Variants in MALT1 observed in about 807,000 individuals in gnomAD.
The protein encoded by MALT1 is MALT1 paracaspase.
Under a neutral mutation model 85.5 loss-of-function variants are expected in MALT1, and 36 were observed. The observed-to-expected ratio is 0.42, with a 90% CI of 0.32 to 0.56. MALT1 has a LOEUF of 0.56. Among genes scored for constraint, MALT1 ranks in the 20% least tolerant of loss-of-function variants. The pLI is 0.10. For missense variants in MALT1, 716 were observed against 981.6 expected, an observed-to-expected ratio of 0.73 and a Z score of 3.62; for synonymous variants, 359 against 361.3, an observed-to-expected ratio of 0.99 and a Z score of 0.07.
chr18:58,720,511 A>G (rs1460116556), intron 9 of MALT1, among the ~76,000 whole-genome samples: 1 of 152,232 alleles, frequency 6.6e-6, no homozygotes, highest in African/African-American at 2.4e-5. Context: ...AAAAATTATC[A>G]TTGGAGGAAA....
At chr18:58,707,697 A>G (rs2054773267) in intron 4 of MALT1, among the ~76,000 whole-genome samples, 1 of 152,216 alleles carries the variant, frequency 6.6e-6, no homozygotes, top group Admixed American at 6.5e-5. Flanking sequence ...TTAACATATT[A>G]CACATTAACA....
At chr18:58,704,678 A>G (rs1305737038) in intron 4 of MALT1, among the ~76,000 whole-genome samples, 1 of 152,170 alleles carries the variant, frequency 6.6e-6, no homozygotes, top group Non-Finnish European at 1.5e-5. Flanking sequence ...GGCTGGTCTC[A>G]AGCGATCCGC....
intron 3 of MALT1, among the ~76,000 whole-genome samples, chr18:58,696,854 A>G (rs952833651): frequency 6.6e-6 from 1 of 152,230 alleles, no homozygotes; most frequent in African/African-American, 2.4e-5. Flanking sequence ...CTATATGGAA[A>G]GTTAATGTGC....
chr18:58,676,558 A>G (rs1480420034), intron 1 of MALT1, among the ~76,000 whole-genome samples: 1 of 152,202 alleles, frequency 6.6e-6, no homozygotes, highest in Admixed American at 6.5e-5. Flanking sequence ...CTCCACAGGT[A>G]ACCACATGAC....
Position 58,747,395 on chromosome 18 carries a change from TCC to T in MALT1, c.2038-9_2038-8del, listed in dbSNP as rs1602347015. ...ATGCCAATAATAAACCAGATTTTTT[TCC>T]TTTTCAGGAACATCTAGTCTTCACA... On this transcript the variant is annotated splice_polypyrimidine_tract_variant and splice_region_variant and intron_variant, in intron 16 of 16. Coordinates refer to ENST00000649217, the MANE Select transcript of MALT1 (RefSeq NM_006785.4). 13 of 1,580,818 alleles carry T rather than the reference TCC, an allele frequency of 8.2e-6. No individual in the cohort carries two copies. The Admixed American group carries it at 1.0e-4, about 13-fold the overall frequency.
At chr18:58,714,233 T>A in intron 8 of MALT1, 124 bp downstream of exon 8, 1 of 467,536 alleles carries the variant, frequency 2.1e-6, no homozygotes, top group Non-Finnish European at 3.8e-6. Context: ...TGAAATAATA[T>A]AATTTAAGGT....
chr18:58,689,903 G>A (rs992629175), intron 2 of MALT1, among the ~76,000 whole-genome samples: 1 of 152,210 alleles, frequency 6.6e-6, no homozygotes, highest in African/African-American at 2.4e-5. Context: ...TAGAAGGAAG[G>A]AGGCCCAGTA....
intron 10 of MALT1, among the ~76,000 whole-genome samples, chr18:58,731,992 G>A (rs573692072): frequency 1.3e-5 from 2 of 152,084 alleles, no homozygotes; most frequent in Admixed American, 6.5e-5. Context: ...CATTTTAATC[G>A]AAATTCAGAA....
At chr18:58,692,688 T>G (rs2054530373) in intron 2 of MALT1, among the ~76,000 whole-genome samples, 1 of 152,220 alleles carries the variant, frequency 6.6e-6, no homozygotes, top group Non-Finnish European at 1.5e-5. Context: ...TCTCTCACTT[T>G]AAATCAAAAG....
chr18:58,678,111 A>G (rs990238056), intron 1 of MALT1, among the ~76,000 whole-genome samples: 6 of 152,206 alleles, frequency 3.9e-5, no homozygotes, highest in Admixed American at 3.9e-4. Flanking sequence ...TAACAACCCT[A>G]TGAGGTAGAT....
At chr18:58,743,614 AAGAGAAAAAAAATT>A (rs2055330211) in intron 14 of MALT1, among the ~76,000 whole-genome samples, 1 of 152,154 alleles carries the variant, frequency 6.6e-6, no homozygotes, top group African/African-American at 2.4e-5. Context: ...TGTAACAAAT[AAGAGAAAAAAAATT>A]AAGACCCTCC....
At chr18:58,690,186 C>A (rs552975170) in intron 2 of MALT1, among the ~76,000 whole-genome samples, 2 of 152,314 alleles carry the variant, frequency 1.3e-5, no homozygotes, top group African/African-American at 4.8e-5. Flanking sequence ...GTAACTCTTA[C>A]AATATTTCGA....
intron 10 of MALT1, among the ~76,000 whole-genome samples, chr18:58,728,334 G>A (rs1403975352): frequency 2.0e-5 from 3 of 152,176 alleles, no homozygotes; most frequent in Non-Finnish European, 2.9e-5. Context: ...GGCCACACAC[G>A]GTGGCTCACA....
At position 58,671,477 on chromosome 18, in the gene MALT1, T is replaced by C. The variant is rs1437906178; in HGVS notation, c.-167T>C. ...GGCTCCCCTCGGCAAACCTGTCTAATTGGGGCGGGGAGCGGAGCTTCCTCC... is the reference window on the plus strand; with the variant it reads ...GGCTCCCCTCGGCAAACCTGTCTAACTGGGGCGGGGAGCGGAGCTTCCTCC... On this transcript the variant is annotated 5_prime_UTR_variant, in exon 1 of 17. Coordinates refer to ENST00000649217, the MANE Select transcript of MALT1 (RefSeq NM_006785.4). 2.9e-5 allele frequency: 12 copies of C among 408,120 alleles called. No individual in the cohort carries two copies. Among genetic ancestry groups the C allele is most frequent in the African/African-American group, 6.3e-5 (3 of 47,890 alleles). 25.3% of individuals were successfully genotyped at this position (408,120 alleles called of 1,614,324 possible).
At chr18:58,746,385 ATAGCAAATTAGAAT>A (rs1274581135) in intron 16 of MALT1, among the ~76,000 whole-genome samples, 3 of 152,212 alleles carry the variant, frequency 2.0e-5, no homozygotes, top group Admixed American at 6.5e-5. Context: ...GACTAGACAT[ATAGCAAATTAGAAT>A]TTTTTTTCCA....
chr18:58,678,163 C>T (rs1301056562), intron 1 of MALT1, among the ~76,000 whole-genome samples: 1 of 152,086 alleles, frequency 6.6e-6, no homozygotes, highest in African/African-American at 2.4e-5. Context: ...ACATTTTTTC[C>T]ATATGAAATA....
chr18:58,701,015 A>G (rs2054663986), intron 4 of MALT1, among the ~76,000 whole-genome samples: 1 of 150,232 alleles, frequency 6.7e-6, no homozygotes, highest in Non-Finnish European at 1.5e-5. Context: ...CTGGTCTTGA[A>G]CTCCCGACCT....
At chr18:58,745,850 T>C (rs1244818207) in intron 16 of MALT1, 59 bp downstream of exon 16, 4 of 1,521,390 alleles carry the variant, frequency 2.6e-6, no homozygotes, top group Middle Eastern at 1.7e-4. Flanking sequence ...TGGAAACTTA[T>C]TTTGGCATAG....
intron 3 of MALT1, among the ~76,000 whole-genome samples, chr18:58,698,075 GTT>G (rs1315560558): frequency 4.3e-5 from 4 of 92,834 alleles, no homozygotes; most frequent in Admixed American, 1.3e-4. Flanking sequence ...TTGTTTTTTT[GTT>G]TTTTTTTTGA....
Sources: allele counts gnomAD v4.1 joint callset (sites outside exome capture counted in the v4.1 genomes callset), GRCh38; gene constraint gnomAD v4.1.1; transcripts MANE v1.5; gene names NCBI Gene and HGNC (gene_info 2026-07-23, HGNC 2026-07-21).